The following IL18R1 variants were observed in gnomAD, a reference collection of about 807,000 sequenced individuals.
IL18R1 encodes interleukin 18 receptor 1.
Under a neutral mutation model 48.5 loss-of-function variants are expected in IL18R1, and 40 were observed. The ratio of observed to expected loss-of-function variants is 0.82; its 90% CI spans 0.64 to 1.07. The LOEUF is 1.07. Among genes scored for constraint, IL18R1 ranks in the 50% least tolerant of loss-of-function variants. The probability of loss-of-function intolerance (pLI) is 0.00; values close to 1 mark genes in which losing one functional copy is unlikely to be tolerated. For synonymous variants in IL18R1, 232 were observed against 225.9 expected, an observed-to-expected ratio of 1.03 and a Z score of -0.24; for missense variants, 596 against 633.7, an observed-to-expected ratio of 0.94 and a Z score of 0.64.
chr2:102,372,061 G>A lies in IL18R1; in HGVS notation c.411G>A (p.Gln137=). 3 of 1,609,350 alleles carry A rather than the reference G, an allele frequency of 1.9e-6. No individual in the cohort carries two copies. The highest frequency in any genetic ancestry group is 2.5e-6 in the Non-Finnish European group (3 of 1,178,312). Residue 137 remains glutamine (Q), a synonymous_variant, in exon 4 of 11, where the codon CAG becomes CAA. Coordinates refer to ENST00000233957, the MANE Select transcript of IL18R1 (RefSeq NM_003855.5). The part of the protein sequence containing the change: ...SKIVEVKKFF[Q]ITCENSYYQT... ...TTGTGGAAGTTAAAAAATTTTTTCA[G>A]ATAACCTGTGAAAACAGTTACTATC...
Position 102,397,497 on chromosome 2 carries a change from A to G in IL18R1, c.*611A>G, listed in dbSNP as rs1680884672. 1 of 152,412 alleles carries G rather than the reference A, an allele frequency of 6.6e-6. No homozygotes were observed. Among genetic ancestry groups the G allele is most frequent in the Non-Finnish European group, 1.5e-5 (1 of 68,084 alleles). The allele number at this position is 152,412 out of a possible 1,614,324, so 9.4% of individuals were successfully genotyped here. The stretch of plus-strand genomic sequence containing the variant: ...TCTTGAAAGCTCGGTAAGGCCCTGC[A>G]ACGCAGAGCCTGCTTATGTGGATCT... On this transcript the variant is annotated 3_prime_UTR_variant, in exon 11 of 11. Transcript: ENST00000233957.
chr2:102,371,703 G>A (rs566616442), intron 3 of IL18R1, among the ~76,000 whole-genome samples: 6 of 152,194 alleles, frequency 3.9e-5, no homozygotes, highest in South Asian at 2.1e-4. Context: ...GCGTGTGTGC[G>A]TGTGCATGTG....
At chr2:102,372,858 A>C (rs933370324) in intron 4 of IL18R1, among the ~76,000 whole-genome samples, 12 of 152,164 alleles carry the variant, frequency 7.9e-5, no homozygotes, top group Non-Finnish European at 2.9e-5. Context: ...CATTTCCACA[A>C]ATCCTTGGGT....
In IL18R1 at chr2:102,367,824, G is replaced by A; in HGVS notation, c.59-1G>A. Reference sequence around the variant, plus strand: ...TATTTTACTTTACTAATCTTTTGAAGAATCTTGTACTTCACGTCCCCACAT... The same window carrying A: ...TATTTTACTTTACTAATCTTTTGAAAAATCTTGTACTTCACGTCCCCACAT... On this transcript the variant is annotated splice_acceptor_variant, in intron 2 of 10. Transcript: ENST00000233957. LOFTEE classifies it high-confidence loss of function. The A allele has an allele frequency of 6.2e-7, 1 of 1,608,262 alleles. No individual in the cohort carries two copies. Among genetic ancestry groups the A allele is most frequent in the Non-Finnish European group, 8.5e-7 (1 of 1,176,498 alleles).
intron 5 of IL18R1, among the ~76,000 whole-genome samples, chr2:102,381,093 T>C (rs983690089): frequency 6.6e-6 from 1 of 152,192 alleles, no homozygotes; most frequent in African/African-American, 2.4e-5. Context: ...GAACTTGGCC[T>C]ACAGGCATGA....
Position 102,381,587 on chromosome 2 carries a change from T to A in IL18R1, c.626-33T>A, listed in dbSNP as rs778419451. On this transcript the variant is annotated intron_variant, in intron 5 of 10. Coordinates refer to ENST00000233957, the MANE Select transcript of IL18R1 (RefSeq NM_003855.5). ...GTCATAAAGAAGCTCAAGGCAACAC[T>A]AATACATTTGTCTTTTCTTTTGTCA... 10 of 1,515,394 alleles carry A rather than the reference T, an allele frequency of 6.6e-6. No homozygotes were observed. The South Asian group carries it at 9.0e-5, about 14-fold the overall frequency. The allele number at this position is 1,515,394 out of a possible 1,614,324, so 93.9% of individuals were successfully genotyped here. A position where few individuals can be genotyped will look rare whatever the true frequency, so the allele number is the denominator to read the frequency against.
intron 2 of IL18R1, among the ~76,000 whole-genome samples, chr2:102,366,049 G>T (rs1678876408): frequency 1.3e-5 from 2 of 152,128 alleles, no homozygotes; most frequent in South Asian, 2.1e-4. Context: ...TTTTCCCCTT[G>T]TCTTGGCAAT....
chr2:102,389,588 C>A (rs11465651), intron 8 of IL18R1, among the ~76,000 whole-genome samples: 2,495 of 152,106 alleles, frequency 0.016, 68 homozygotes, highest in African/African-American at 0.057. Context: ...ATGAAGGTAC[C>A]AAGGTTTAAG....
At chr2:102,373,119 T>A (rs1679366260) in intron 4 of IL18R1, among the ~76,000 whole-genome samples, 1 of 152,234 alleles carries the variant, frequency 6.6e-6, no homozygotes, top group Admixed American at 6.5e-5. Flanking sequence ...TTTTCACTTT[T>A]CTTAGTAATA....
At chr2:102,376,825 T>G (rs946636508) in intron 5 of IL18R1, among the ~76,000 whole-genome samples, 1 of 152,264 alleles carries the variant, frequency 6.6e-6, no homozygotes, top group African/African-American at 2.4e-5. Flanking sequence ...CAGTCCCTTC[T>G]TGGGAACTAT....
chr2:102,394,823 G>C (rs1356729250), intron 10 of IL18R1, among the ~76,000 whole-genome samples, 196 bp downstream of exon 10: 1 of 152,124 alleles, frequency 6.6e-6, no homozygotes, highest in African/African-American at 2.4e-5. Flanking sequence ...CTTCTCTTGG[G>C]CTCTGTTCTT....
chr2:102,356,332 C>T lies in IL18R1; in HGVS notation c.-97C>T, dbSNP rs1678246865. ...TCACCTACTTTCTGAACTTGGCCTCCGCAGTCGCGACCTGGCGTGAAGGAG... is the reference window on the plus strand; with the variant it reads ...TCACCTACTTTCTGAACTTGGCCTCTGCAGTCGCGACCTGGCGTGAAGGAG... On this transcript the variant is annotated 5_prime_UTR_variant, in exon 1 of 11. Coordinates refer to ENST00000233957, the MANE Select transcript of IL18R1 (RefSeq NM_003855.5). 2 of 985,224 alleles carry T rather than the reference C, an allele frequency of 2.0e-6. No individual in the cohort carries two copies. Among genetic ancestry groups the T allele is most frequent in the South Asian group, 4.7e-5 (1 of 21,276 alleles). 61.0% of individuals were successfully genotyped at this position (985,224 alleles called of 1,614,324 possible).
chr2:102,376,672 ACT>A (rs1679604848), intron 5 of IL18R1, among the ~76,000 whole-genome samples: 1 of 152,142 alleles, frequency 6.6e-6, no homozygotes, highest in African/African-American at 2.4e-5. Flanking sequence ...TGTAAGGAAC[ACT>A]GATGTGCTGG....
intron 8 of IL18R1, 48 bp from the exon 9 acceptor site, chr2:102,390,008 G>A (rs1397985252): frequency 1.9e-6 from 3 of 1,594,738 alleles, no homozygotes; most frequent in Middle Eastern, 1.7e-4. Flanking sequence ...GACAACACTG[G>A]TAAGATTTCT....
chr2:102,377,002 G>T (rs928085739), intron 5 of IL18R1, among the ~76,000 whole-genome samples: 12 of 152,166 alleles, frequency 7.9e-5, no homozygotes, highest in African/African-American at 2.9e-4. Context: ...TTCTTAAAAT[G>T]ACAGCTCCTT....
chr2:102,375,983 A>T lies in IL18R1; in HGVS notation c.545A>T (p.Tyr182Phe), dbSNP rs757161434. ...KKNAEFEDQG[Y>F]YSCVHFLHHN... Reference sequence around the variant, plus strand: ...AACGCCGAGTTTGAAGATCAGGGGTATTACTCCTGCGTGCATTTCCTTCAT... The same window carrying T: ...AACGCCGAGTTTGAAGATCAGGGGTTTTACTCCTGCGTGCATTTCCTTCAT... The change falls in exon 5 of 11, where the codon TAT (tyrosine) becomes TTT (phenylalanine). Residue 182 changes from tyrosine to phenylalanine, a missense_variant. Around this residue, in one of 3 missense-constraint regions of IL18R1, gnomAD observed 360 missense variants for 339.4 expected, o/e 1.06. Transcript: ENST00000233957. 1 of 1,609,624 alleles carries T rather than the reference A, an allele frequency of 6.2e-7. No homozygotes were observed.
At chr2:102,379,186 G>A (rs1679771552) in intron 5 of IL18R1, among the ~76,000 whole-genome samples, 2 of 152,194 alleles carry the variant, frequency 1.3e-5, no homozygotes, top group Non-Finnish European at 2.9e-5. Flanking sequence ...GCTCATGCTG[G>A]TAATCCTAGC....
chr2:102,390,233 C>T lies in IL18R1; in HGVS notation c.1111+16C>T. 2 of 1,606,814 alleles carry T rather than the reference C, an allele frequency of 1.2e-6. No homozygotes were observed. Among genetic ancestry groups the T allele is most frequent in the Non-Finnish European group, 1.7e-6 (2 of 1,173,628 alleles). On this transcript the variant is annotated intron_variant, in intron 9 of 10. Coordinates refer to ENST00000233957, the MANE Select transcript of IL18R1 (RefSeq NM_003855.5). ...ACATTAACAGGTAACACATATAATG[C>T]TGGAATTTCTTACCTTATGTTCTCA...
chr2:102,390,171 G>T lies in IL18R1; in HGVS notation c.1065G>T (p.Leu355Phe). 3 of 1,613,770 alleles carry T rather than the reference G, an allele frequency of 1.9e-6. No homozygotes were observed. Among genetic ancestry groups the T allele is most frequent in the South Asian group, 1.1e-5 (1 of 91,064 alleles). The change falls in exon 9 of 11, where the codon TTG becomes TTT. Residue 355 changes from leucine (L) to phenylalanine (F), a missense_variant. Leu to Phe is a conservative substitution (Grantham distance 22). Transcript: ENST00000233957. ...TGTGTGTCATTTATAGAGTTGACTT[G>T]GTTCTATTTTATAGACATTTAACGA... ...VTVCVIYRVD[L>F]VLFYRHLTRR...
Sources: gnomAD v4.1 joint callset for allele counts (sites outside exome capture counted in the v4.1 genomes callset) on GRCh38, gnomAD v4.1.1 for gene constraint, gnomAD v4.1.1 regional missense constraint, MANE v1.5 for transcripts, NCBI Gene and HGNC (gene_info 2026-07-23, HGNC 2026-07-21) for gene names.